Variants in ROR2 observed in about 807,000 individuals in gnomAD.
ROR2 encodes ROR family WNT receptor 2.
A neutral mutation model predicts 74.9 loss-of-function variants in ROR2; 33 were observed. The ratio of observed to expected loss-of-function variants is 0.44; its 90% confidence interval spans 0.33 to 0.59. The LOEUF (loss-of-function observed/expected upper bound fraction) is 0.59. ROR2 is among the 20% of genes least tolerant of loss of function. The probability of loss-of-function intolerance (pLI) is 0.02; values close to 1 mark genes in which losing one functional copy is unlikely to be tolerated. For synonymous variants in ROR2, 586 were observed against 558.7 expected, an observed-to-expected ratio of 1.05 and a Z score of -0.69; for missense variants, 1,216 against 1,313.8, an observed-to-expected ratio of 0.93 and a Z score of 1.15.
At chr9:91,913,064 G>C (rs1378554491) in intron 1 of ROR2, among the ~76,000 whole-genome samples, 2 of 152,190 alleles carry the variant, frequency 1.3e-5, no homozygotes, top group African/African-American at 2.4e-5. Flanking sequence ...GGGAAGCAGA[G>C]GTTGCAGTGA....
rs1285074371 is a variant in ROR2, at chr9:91,804,533, GGAGA to G, written c.98-28719_98-28716del. The stretch of plus-strand genomic sequence containing the variant: ...TGGAGACTGCATGCTCATCTCCTGA[GGAGA>G]GAGAAAGGCGGCTCACATGGGCCAC... On this transcript the variant is annotated intron_variant, in intron 1 of 8. Transcript: ENST00000375708. Among the ~76,000 whole-genome samples, 5 of 152,344 alleles carry G rather than the reference GGAGA, an allele frequency of 3.3e-5. No homozygotes were observed. The East Asian group carries it at 9.7e-4, about 29-fold the overall frequency.
chr9:91,756,565 A>T (rs1825755868), intron 3 of ROR2, among the ~76,000 whole-genome samples: 1 of 151,898 alleles, frequency 6.6e-6, no homozygotes, highest in African/African-American at 2.4e-5. Context: ...CACCCCAGCC[A>T]GGTCAGCCTC....
chr9:91,912,235 C>T (rs1032971263), intron 1 of ROR2, among the ~76,000 whole-genome samples: 2 of 152,084 alleles, frequency 1.3e-5, no homozygotes, highest in African/African-American at 4.8e-5. Flanking sequence ...TATCAATTGA[C>T]TTAAGAGATT....
At chr9:91,941,707 C>A (rs1831873537) in intron 1 of ROR2, among the ~76,000 whole-genome samples, 1 of 152,132 alleles carries the variant, frequency 6.6e-6, no homozygotes, top group Non-Finnish European at 1.5e-5. Context: ...ATTGTACTGT[C>A]TTCTCTACCT....
At chr9:91,749,501 T>C (rs1477351412) in intron 4 of ROR2, among the ~76,000 whole-genome samples, 1 of 152,208 alleles carries the variant, frequency 6.6e-6, no homozygotes, top group East Asian at 1.9e-4. Flanking sequence ...CTGTCTCCAG[T>C]ACAGGCTCTG....
At chr9:91,889,178 C>T (rs1220024800) in intron 1 of ROR2, among the ~76,000 whole-genome samples, 1 of 152,302 alleles carries the variant, frequency 6.6e-6, no homozygotes, top group East Asian at 1.9e-4. Context: ...AGAGTGGGAA[C>T]ACCTGGTACC....
At chr9:91,857,913 G>A (rs1050613875) in intron 1 of ROR2, among the ~76,000 whole-genome samples, 1 of 152,188 alleles carries the variant, frequency 6.6e-6, no homozygotes, top group African/African-American at 2.4e-5. Flanking sequence ...AAATCCTGTT[G>A]AAATGAACAG....
In ROR2 at chr9:91,722,668, G is replaced by A. The variant is rs1054745656; in HGVS notation, c.*994C>T. On this transcript the variant is annotated 3_prime_UTR_variant, in exon 9 of 9. Coordinates refer to ENST00000375708, the MANE Select transcript of ROR2 (RefSeq NM_004560.4). ...CAAATAGGACCAACAATGTGTGCGG[G>A]GCACAGACGGCTGCCTGTGGGTCTG... 1 of 776,382 alleles carries A rather than the reference G, an allele frequency of 1.3e-6. No homozygotes were observed. The highest frequency in any genetic ancestry group is 2.4e-6 in the Non-Finnish European group (1 of 416,048). The allele number at this position is 776,382 out of a possible 1,614,324, so 48.1% of individuals were successfully genotyped here. A position where few individuals can be genotyped will look rare whatever the true frequency, so the allele number is the denominator to read the frequency against.
At chr9:91,925,059 C>A (rs975172773) in intron 1 of ROR2, among the ~76,000 whole-genome samples, 3 of 151,968 alleles carry the variant, frequency 2.0e-5, no homozygotes, top group African/African-American at 7.3e-5. Context: ...ACTATGTTGC[C>A]CAGGCTGGTC....
At chr9:91,752,562 G>C (rs969560116) in intron 4 of ROR2, among the ~76,000 whole-genome samples, 4 of 152,176 alleles carry the variant, frequency 2.6e-5, no homozygotes, top group African/African-American at 7.2e-5. Context: ...CAGAATAGTG[G>C]GTGCCTGGGG....
chr9:91,838,900 C>T (rs1828695093), intron 1 of ROR2, among the ~76,000 whole-genome samples: 1 of 152,146 alleles, frequency 6.6e-6, no homozygotes, highest in East Asian at 1.9e-4. Flanking sequence ...CAGTAGAAGT[C>T]TGCTTCAGCA....
rs556706195 is a variant in ROR2 at position 91,854,249 on chromosome 9, T to C, written c.98-78431A>G. The stretch of plus-strand genomic sequence containing the variant: ...TGCACTGGCTCCCAGCACCCGACTG[T>C]ACCTTGCCTGTAGACCAAGTACCCT... On this transcript the variant is annotated intron_variant, in intron 1 of 8. Coordinates refer to ENST00000375708, the MANE Select transcript of ROR2 (RefSeq NM_004560.4). Among the ~76,000 whole-genome samples the C allele has an allele frequency of 1.6e-3, 242 of 152,282 alleles. 1 individual carries two copies. The highest frequency in any genetic ancestry group is 6.8e-3 in the Middle Eastern group (2 of 294).
chr9:91,835,922 G>A (rs1401781870), intron 1 of ROR2, among the ~76,000 whole-genome samples: 1 of 152,200 alleles, frequency 6.6e-6, no homozygotes, highest in Non-Finnish European at 1.5e-5. Flanking sequence ...CTGGGCGCTA[G>A]GACAACGCTT....
At chr9:91,725,380 G>A (rs1394053916) in intron 8 of ROR2, among the ~76,000 whole-genome samples, 2 of 152,002 alleles carry the variant, frequency 1.3e-5, no homozygotes, top group African/African-American at 2.4e-5. Context: ...AATCCAGCTG[G>A]GACACACTGA....
intron 1 of ROR2, among the ~76,000 whole-genome samples, chr9:91,863,469 T>TA (rs1213121631): frequency 6.6e-6 from 1 of 152,098 alleles, no homozygotes; most frequent in Non-Finnish European, 1.5e-5. Context: ...GATAGATAGA[T>TA]AGATAGATAG....
intron 2 of ROR2, among the ~76,000 whole-genome samples, chr9:91,766,769 A>T (rs1446712820): frequency 1.3e-5 from 2 of 152,208 alleles, no homozygotes; most frequent in African/African-American, 4.8e-5. Flanking sequence ...GGCCAAAAGG[A>T]GCCAGGCATG....
At chr9:91,791,656 C>T (rs1000570733) in intron 1 of ROR2, among the ~76,000 whole-genome samples, 1 of 152,166 alleles carries the variant, frequency 6.6e-6, no homozygotes, top group East Asian at 1.9e-4. Context: ...TGTCAACACT[C>T]CACTTTCGAT....
In ROR2 at chr9:91,723,281, C is replaced by T. The variant is rs900190896; in HGVS notation, c.*381G>A. The T allele has an allele frequency of 2.0e-5, 4 of 204,294 alleles. No individual in the cohort carries two copies. The South Asian group carries it at 4.5e-4, about 23-fold the overall frequency. 12.7% of individuals were successfully genotyped at this position (204,294 alleles called of 1,614,324 possible). A position where few individuals can be genotyped will look rare whatever the true frequency, so the allele number is the denominator to read the frequency against. On this transcript the variant is annotated 3_prime_UTR_variant, in exon 9 of 9. Coordinates refer to ENST00000375708, the MANE Select transcript of ROR2 (RefSeq NM_004560.4). ...TGCCTCCTCGCTGCCTTTTGCAGGC[C>T]CTTATTCCCAACGTTTTGAAATATT...
intron 1 of ROR2, among the ~76,000 whole-genome samples, chr9:91,824,029 A>G (rs73515174): frequency 0.021 from 3,137 of 152,326 alleles, 119 homozygotes; most frequent in African/African-American, 0.071. Context: ...GCTTTTCACA[A>G]TGAGCTGGTG....
Sources: gnomAD v4.1 joint callset for allele counts (sites outside exome capture counted in the v4.1 genomes callset) on GRCh38, gnomAD v4.1.1 for gene constraint, MANE v1.5 for transcripts, NCBI Gene and HGNC (gene_info 2026-07-23, HGNC 2026-07-21) for gene names.